SNX24: variants seen among roughly 807,000 people sequenced by gnomAD.
The protein encoded by SNX24 is sorting nexin 24, also known as sorting nexin-24.
A neutral mutation model predicts 28.7 loss-of-function variants in SNX24; 22 were observed. The ratio of observed to expected loss-of-function variants is 0.77; its 90% CI spans 0.55 to 1.10. The LOEUF is 1.10. Among genes scored for constraint, SNX24 ranks in the 50% least tolerant of loss-of-function variants. The pLI is 0.00. For missense variants in SNX24, 221 were observed against 201.1 expected (o/e 1.10, Z -0.60); for synonymous variants, 69 against 71.5 (o/e 0.96, Z 0.18).
At chr5:123,010,503 G>A (rs879559746), downstream of SNX24, among the ~76,000 whole-genome samples, 3 of 152,072 alleles carry the variant, frequency 2.0e-5, no homozygotes, top group Non-Finnish European at 4.4e-5. Context: ...TGGCCAGGCT[G>A]GTCTTGAACT....
intron 1 of SNX24, among the ~76,000 whole-genome samples, chr5:122,852,456 A>G (rs1349573938): frequency 6.6e-6 from 1 of 151,650 alleles, no homozygotes; most frequent in African/African-American, 2.4e-5. Flanking sequence ...TGATTCCGCC[A>G]CCTCAGCCTC....
downstream of SNX24, among the ~76,000 whole-genome samples, chr5:123,012,051 G>A (rs1762590945): frequency 3.3e-5 from 5 of 152,264 alleles, no homozygotes; most frequent in South Asian, 1.0e-3. Flanking sequence ...ATGGTTTTAT[G>A]AGGGGCTTTT....
At chr5:122,868,404 A>G (rs1755816686) in intron 1 of SNX24, among the ~76,000 whole-genome samples, 1 of 152,230 alleles carries the variant, frequency 6.6e-6, no homozygotes, top group Admixed American at 6.5e-5. Flanking sequence ...ACTAAGACCC[A>G]GTAGCAGGGT....
At chr5:122,882,558 G>C (rs1756528972) in intron 1 of SNX24, among the ~76,000 whole-genome samples, 2 of 152,208 alleles carry the variant, frequency 1.3e-5, no homozygotes, top group Non-Finnish European at 2.9e-5. Context: ...TTTGTTCTGT[G>C]TTCTGGACCC....
intron 1 of SNX24, among the ~76,000 whole-genome samples, chr5:122,878,976 TA>T (rs905625091): frequency 3.3e-5 from 5 of 151,106 alleles, no homozygotes; most frequent in South Asian, 2.1e-4. Context: ...AATTAAAAAT[TA>T]AAAAAAAGAA....
intron 3 of SNX24, among the ~76,000 whole-genome samples, chr5:122,974,158 A>G (rs1417068887): frequency 6.6e-6 from 1 of 152,148 alleles, no homozygotes; most frequent in Non-Finnish European, 1.5e-5. Context: ...CCTTCACCTT[A>G]CAAGGAGTAT....
intron 1 of SNX24, among the ~76,000 whole-genome samples, chr5:122,898,116 T>C (rs1757280587): frequency 6.6e-6 from 1 of 152,214 alleles, no homozygotes; most frequent in African/African-American, 2.4e-5. Context: ...TTGTCTGAAA[T>C]AATTACATGT....
intron 5 of SNX24, among the ~76,000 whole-genome samples, chr5:123,017,928 A>G (rs1314843503): frequency 6.6e-6 from 1 of 152,114 alleles, no homozygotes; most frequent in Non-Finnish European, 1.5e-5. Context: ...AGGGACTAAT[A>G]TACATTTATT....
chr5:122,869,420 A>G (rs561442244), intron 1 of SNX24, among the ~76,000 whole-genome samples: 1 of 152,354 alleles, frequency 6.6e-6, no homozygotes, highest in East Asian at 1.9e-4. Flanking sequence ...TGCTGAATAA[A>G]TTAGTGTACA....
intron 1 of SNX24, among the ~76,000 whole-genome samples, chr5:122,891,545 G>C (rs185595747): frequency 3.4e-4 from 52 of 152,078 alleles, no homozygotes; most frequent in Non-Finnish European, 6.6e-4. Flanking sequence ...TTTTTTATAA[G>C]TATTATAAGT....
Position 122,936,825 on chromosome 5 carries a change from G to A in SNX24, c.144+8G>A. ...CATGCTTTGCACAAAAAGGTAACTT[G>A]TTTTCTGTTTTTTTGTCTTTTCTCT... On this transcript the variant is annotated splice_region_variant and intron_variant, in intron 2 of 6. Transcript: ENST00000261369. 6.3e-7 allele frequency: 1 copy of A among 1,586,632 alleles called. No individual in the cohort carries two copies. Among genetic ancestry groups the A allele is most frequent in the South Asian group, 1.1e-5 (1 of 88,918 alleles).
intron 1 of SNX24, among the ~76,000 whole-genome samples, 168 bp downstream of exon 1, chr5:122,845,861 ACGGGCGCCCCTCCCGGGCACGGCGGCTG>A (rs1293159808): frequency 7.3e-5 from 11 of 151,472 alleles, no homozygotes; most frequent in Admixed American, 1.3e-4. Flanking sequence ...TGTCAAGGAA[ACGGGCGCCCCTCCCGGGCACGGCGGCTG>A]CGGGCGCCCC....
At chr5:123,014,882 GTC>G (rs1287889562) in intron 5 of SNX24, among the ~76,000 whole-genome samples, 3 of 152,176 alleles carry the variant, frequency 2.0e-5, no homozygotes, top group Non-Finnish European at 4.4e-5. Flanking sequence ...GGACCTGCCA[GTC>G]TCTGCCTGAA....
At chr5:122,878,974 A>AT (rs1756355376) in intron 1 of SNX24, among the ~76,000 whole-genome samples, 1 of 152,058 alleles carries the variant, frequency 6.6e-6, no homozygotes, top group African/African-American at 2.4e-5. Flanking sequence ...AAAATTAAAA[A>AT]TTAAAAAAAA....
At chr5:122,879,049 A>T (rs1255303985) in intron 1 of SNX24, among the ~76,000 whole-genome samples, 1 of 152,202 alleles carries the variant, frequency 6.6e-6, no homozygotes, top group Non-Finnish European at 1.5e-5. Context: ...TGGCCCTATT[A>T]AAAAAGTGAA....
downstream of SNX24, among the ~76,000 whole-genome samples, chr5:123,013,262 G>A (rs187435710): frequency 2.0e-4 from 31 of 152,354 alleles, no homozygotes; most frequent in African/African-American, 7.5e-4. Context: ...GAATACAGAT[G>A]TAATCCTTGC....
intron 1 of SNX24, among the ~76,000 whole-genome samples, chr5:122,912,735 T>G (rs1336298253): frequency 1.7e-5 from 2 of 118,174 alleles, no homozygotes; most frequent in African/African-American, 6.6e-5. Flanking sequence ...ATCATGTGGG[T>G]TTTTTTTTTT....
chr5:122,941,598 A>C (rs1452137894), intron 2 of SNX24, among the ~76,000 whole-genome samples: 2 of 152,220 alleles, frequency 1.3e-5, no homozygotes, highest in East Asian at 3.8e-4. Flanking sequence ...ATATGAGATA[A>C]AACTGTTATC....
At chr5:122,998,661 G>A (rs1173130050) in intron 3 of SNX24, among the ~76,000 whole-genome samples, 2 of 152,144 alleles carry the variant, frequency 1.3e-5, no homozygotes, top group African/African-American at 4.8e-5. Context: ...CAGCCTAGGA[G>A]GACTGGCAAC....
Sources: gnomAD v4.1 joint callset for allele counts (sites outside exome capture counted in the v4.1 genomes callset) on GRCh38, gnomAD v4.1.1 for gene constraint, MANE v1.5 for transcripts, NCBI Gene and HGNC (gene_info 2026-07-23, HGNC 2026-07-21) for gene names.